The following CLASP1 variants were observed in gnomAD, a reference collection of about 807,000 sequenced individuals.
CLASP1 encodes the protein cytoplasmic linker associated protein 1.
CLASP1 carries 38 observed loss-of-function variants against 192.3 expected under a neutral mutation model. The ratio of observed to expected loss-of-function variants is 0.20; its 90% CI spans 0.15 to 0.26. The LOEUF is 0.26. Among genes scored for constraint, CLASP1 ranks in the 10% least tolerant of loss-of-function variants. The pLI is 1.00. For synonymous variants in CLASP1, 691 were observed against 712.8 expected (o/e 0.97, Z 0.49); for missense variants, 1,433 against 1,932.5 (o/e 0.74, Z 4.85).
intron 1 of CLASP1, among the ~76,000 whole-genome samples, chr2:121,634,810 A>T: frequency 6.6e-6 from 1 of 152,192 alleles, no homozygotes; most frequent in East Asian, 1.9e-4. Flanking sequence ...TCAGAATAGG[A>T]TCCCATGCCT....
intron 15 of CLASP1, 139 bp from the exon 16 acceptor site, chr2:121,451,129 C>A (rs2149799006): frequency 3.2e-6 from 2 of 629,134 alleles, no homozygotes; most frequent in East Asian, 5.4e-5. Context: ...TCCCACGTGG[C>A]TGGGCAAAGC....
At chr2:121,397,046 G>A in intron 30 of CLASP1, 94 bp downstream of exon 31, 1 of 1,219,080 alleles carries the variant, frequency 8.2e-7, no homozygotes, top group Admixed American at 1.8e-5. Flanking sequence ...ATAGGTTTGT[G>A]GGTGGGTGGC....
intron 2 of CLASP1, among the ~76,000 whole-genome samples, chr2:121,541,164 G>C (rs1277501288): frequency 6.6e-6 from 1 of 152,150 alleles, no homozygotes; most frequent in Non-Finnish European, 1.5e-5. Context: ...TCCAGAACAT[G>C]AGGTCTGCTC....
chr2:121,525,827 G>A lies in CLASP1; in HGVS notation c.546+18C>T. ...CTGTAAGCAATGACTTCTCCCGAGG[G>A]TTTTCCTTCTCACTCACCTGGCTGT... On this transcript the variant is annotated intron_variant, in intron 6 of 39. Coordinates refer to ENST00000263710, the Ensembl canonical transcript of CLASP1. 6.3e-7 allele frequency: 1 copy of A among 1,591,788 alleles called. No homozygotes were observed. The highest frequency in any genetic ancestry group is 1.3e-5 in the African/African-American group (1 of 74,530).
At chr2:121,367,557 G>C in intron 35 of CLASP1, 31 bp downstream of exon 36, 1 of 1,613,392 alleles carries the variant, frequency 6.2e-7, no homozygotes, top group Non-Finnish European at 8.5e-7. Context: ...AGCACTTCTG[G>C]GTGGGGACAG....
At chr2:121,391,309 A>C (rs906035256) in intron 30 of CLASP1, among the ~76,000 whole-genome samples, 1 of 152,182 alleles carries the variant, frequency 6.6e-6, no homozygotes, top group Non-Finnish European at 1.5e-5. Context: ...AAGCTGACCT[A>C]GTGGGGAAAT....
chr2:121,427,478 G>A, intron 20 of CLASP1, 48 bp from the exon 21 acceptor site: 1 of 1,599,388 alleles, frequency 6.3e-7, no homozygotes, highest in East Asian at 2.2e-5. Flanking sequence ...TGGATTAAAA[G>A]ACAATAACAC....
intron 16 of CLASP1, among the ~76,000 whole-genome samples, chr2:121,450,632 T>C (rs946101807): frequency 2.0e-5 from 3 of 152,282 alleles, no homozygotes; most frequent in African/African-American, 4.8e-5. Flanking sequence ...AAAGAATACA[T>C]TGAGCATGTA....
chr2:121,431,665 C>A (rs1475775347), intron 19 of CLASP1, among the ~76,000 whole-genome samples: 1 of 151,824 alleles, frequency 6.6e-6, no homozygotes, highest in Non-Finnish European at 1.5e-5. Flanking sequence ...AATAAAAACT[C>A]TCTTTGCTAA....
At chr2:121,411,007 A>G in intron 23 of CLASP1, 38 bp from the exon 25 acceptor site, 1 of 1,308,846 alleles carries the variant, frequency 7.6e-7, no homozygotes, top group African/African-American at 1.5e-5. Flanking sequence ...TGTCACTTTA[A>G]TTCAAATTAT....
intron 1 of CLASP1, among the ~76,000 whole-genome samples, chr2:121,618,722 T>C (rs1227971991): frequency 1.3e-5 from 2 of 152,060 alleles, no homozygotes; most frequent in Non-Finnish European, 2.9e-5. Context: ...TTGATGTTTT[T>C]ATTTCAATTA....
Position 121,423,879 on chromosome 2 carries a change from C to T in CLASP1, c.2212+1260G>A, listed in dbSNP as rs150222476. ...ATTCTTAAATATCTTCTCCTGCCTT[C>T]TCGTAGCTAAGGTGGGCTTCAAAGA... is the stretch of plus-strand genomic sequence containing the variant. On this transcript the variant is annotated intron_variant, in intron 22 of 39. Coordinates refer to ENST00000263710, the Ensembl canonical transcript of CLASP1. Among the ~76,000 whole-genome samples, 237 of 152,356 alleles carry T rather than the reference C, an allele frequency of 1.6e-3. 1 individual carries two copies. In the Middle Eastern group the frequency reaches 0.02, roughly 13 times the overall value.
intron 12 of CLASP1, 40 bp downstream of exon 12, chr2:121,459,940 A>C: frequency 6.4e-7 from 1 of 1,555,392 alleles, no homozygotes; most frequent in East Asian, 2.3e-5. Flanking sequence ...CTGTGGTGAC[A>C]CTATTTTATG....
At chr2:121,599,883 C>T (rs1466430470) in intron 2 of CLASP1, among the ~76,000 whole-genome samples, 1 of 145,594 alleles carries the variant, frequency 6.9e-6, no homozygotes, top group Non-Finnish European at 1.5e-5. Flanking sequence ...CACACCACTG[C>T]ACTCCAGCCT....
In CLASP1 at chr2:121,367,824, C is replaced by T. The variant is rs76724451; in HGVS notation, c.3650G>A (p.Arg1217His). ...GGCAGGGGAGGCAGCGCCCCCATCG[C>T]GGGACACCTGCAGCACAGCACACTG... The change falls in exon 35 of 40, where the codon CGC becomes CAC. Residue 1217 changes from arginine to histidine, a missense_variant. Arg to His is a conservative substitution (Grantham distance 29). Transcript: ENST00000263710. The T allele has an allele frequency of 5.7e-4, 925 of 1,613,146 alleles. 9 individuals are homozygous for T. In the East Asian group the frequency reaches 0.018, roughly 32 times the overall value.
At chr2:121,478,240 A>C (rs2091879162) in intron 8 of CLASP1, among the ~76,000 whole-genome samples, 1 of 152,170 alleles carries the variant, frequency 6.6e-6, no homozygotes, top group Non-Finnish European at 1.5e-5. Flanking sequence ...CTCTAAACAC[A>C]GTAAAACGCT....
At chr2:121,569,239 C>T (rs944452781) in intron 2 of CLASP1, among the ~76,000 whole-genome samples, 3 of 152,122 alleles carry the variant, frequency 2.0e-5, no homozygotes, top group African/African-American at 4.8e-5. Flanking sequence ...TAGCTAGGGA[C>T]GTCACAGAAG....
chr2:121,631,526 T>A (rs1488783160), intron 1 of CLASP1, among the ~76,000 whole-genome samples: 1 of 152,008 alleles, frequency 6.6e-6, no homozygotes, highest in Non-Finnish European at 1.5e-5. Context: ...GACCTCGTGA[T>A]CTGCCCACCT....
At chr2:121,511,328 C>T (rs2094128915) in intron 7 of CLASP1, among the ~76,000 whole-genome samples, 1 of 152,068 alleles carries the variant, frequency 6.6e-6, no homozygotes, top group South Asian at 2.1e-4. Context: ...GTGGCTCATG[C>T]CTGTAATCCC....
Sources: gnomAD v4.1 joint callset for allele counts (sites outside exome capture counted in the v4.1 genomes callset) on GRCh38, gnomAD v4.1.1 for gene constraint, MANE v1.5 for transcripts, NCBI Gene and HGNC (gene_info 2026-07-23, HGNC 2026-07-21) for gene names.